The following HERC1 variants were observed in gnomAD, a reference collection of about 807,000 sequenced individuals.
HERC1 encodes HECT and RLD domain containing E3 ubiquitin protein ligase family member 1, also known as probable E3 ubiquitin-protein ligase HERC1.
Under a neutral mutation model 554.3 loss-of-function variants are expected in HERC1, and 160 were observed. That is an observed-to-expected ratio of 0.29 (90% CI 0.25 to 0.33). The LOEUF is 0.33. HERC1 is among the 10% of genes least tolerant of loss of function. The pLI, the probability that HERC1 is intolerant of heterozygous loss-of-function variation, is 1.00. For synonymous variants in HERC1, 2,175 were observed against 2,131.7 expected (o/e 1.02, Z -0.56); for missense variants, 4,919 against 5,918.5 (o/e 0.83, Z 5.54).
At chr15:63,760,917 C>A (rs1208860987) in intron 3 of HERC1, among the ~76,000 whole-genome samples, 1 of 151,926 alleles carries the variant, frequency 6.6e-6, no homozygotes, top group African/African-American at 2.4e-5. Flanking sequence ...AAAAAAAATC[C>A]TTTGGGCTTC....
At position 63,749,816 on chromosome 15, in the gene HERC1, A is replaced by C; in HGVS notation, c.1903-25T>G. ...CCTGAAAAAAACAGAAATACGTTAC[A>C]CATAACTTCCTGAGATGATTAGATT... On this transcript the variant is annotated intron_variant, in intron 8 of 77. Coordinates refer to ENST00000443617, the MANE Select transcript of HERC1 (RefSeq NM_003922.4). This position sits in a 1 kb window ranked among gnomAD's most constrained non-coding sequence, Gnocchi z 4.1. The C allele has an allele frequency of 6.6e-7, 1 of 1,516,752 alleles. No homozygotes were observed. The highest frequency in any genetic ancestry group is 8.8e-7 in the Non-Finnish European group (1 of 1,131,536). The allele number at this position is 1,516,752 out of a possible 1,614,324, so 94.0% of individuals were successfully genotyped here. A position where few individuals can be genotyped will look rare whatever the true frequency, so the allele number is the denominator to read the frequency against.
rs2073558583 is a variant in HERC1, at chr15:63,716,408, A to G, written c.4044T>C (p.Asp1348=). ...PQEHSFTRTI[D]EEAEMEEQAE... is the part of the protein sequence containing the mutation. The stretch of plus-strand genomic sequence containing the variant: ...CCTGTTCTTCCATTTCAGCTTCTTC[A>G]TCAATAGTTCGAGTAAATGAATGCT... The change falls in exon 22 of 78, where the codon GAT becomes GAC. Residue 1348 remains aspartate, a synonymous_variant. Transcript: ENST00000443617. 6.2e-7 allele frequency: 1 copy of G among 1,613,578 alleles called. No homozygotes were observed. Among genetic ancestry groups the G allele is most frequent in the Non-Finnish European group, 8.5e-7 (1 of 1,179,782 alleles).
chr15:63,627,314 G>A (rs531452327), intron 70 of HERC1, among the ~76,000 whole-genome samples: 30 of 152,280 alleles, frequency 2.0e-4, no homozygotes, highest in African/African-American at 7.0e-4. Flanking sequence ...TAGGCACAAT[G>A]TTGCTTCAGG....
chr15:63,822,194 T>C (rs1259029802), intron 1 of HERC1, among the ~76,000 whole-genome samples: 1 of 152,066 alleles, frequency 6.6e-6, no homozygotes, highest in East Asian at 1.9e-4. Context: ...GTAGCAGAAG[T>C]GGAATAAACA....
intron 55 of HERC1, 110 bp from the exon 56 acceptor site, chr15:63,645,792 A>G (rs1566968657): frequency 1.5e-6 from 1 of 668,410 alleles, no homozygotes; most frequent in South Asian, 2.4e-5. Flanking sequence ...TCTATAACTC[A>G]TTTATTTTGA....
chr15:63,802,173 A>C (rs1035649343), intron 1 of HERC1, among the ~76,000 whole-genome samples: 1 of 152,206 alleles, frequency 6.6e-6, no homozygotes, highest in African/African-American at 2.4e-5. Context: ...TGCCACATGT[A>C]CTTCTAGAAG....
intron 70 of HERC1, among the ~76,000 whole-genome samples, chr15:63,628,332 G>T (rs2068396366): frequency 6.6e-6 from 1 of 152,174 alleles, no homozygotes; most frequent in Non-Finnish European, 1.5e-5. Flanking sequence ...GGAGGCTGCA[G>T]TGAGCTGAGA....
chr15:63,825,527 T>A (rs1358482570), intron 1 of HERC1, among the ~76,000 whole-genome samples: 1 of 152,056 alleles, frequency 6.6e-6, no homozygotes, highest in Non-Finnish European at 1.5e-5. Context: ...AAGCCTGAAA[T>A]AAACAAATAA....
rs1189462544 is a variant in HERC1, at chr15:63,643,396, G to A, written c.11331+8C>T. 1 of 1,605,044 alleles carries A rather than the reference G, an allele frequency of 6.2e-7. No homozygotes were observed. Among genetic ancestry groups the A allele is most frequent in the Non-Finnish European group, 8.5e-7 (1 of 1,176,704 alleles). On this transcript the variant is annotated splice_region_variant and intron_variant, in intron 58 of 77. Coordinates refer to ENST00000443617, the MANE Select transcript of HERC1 (RefSeq NM_003922.4). ...TCCTTAACATAAAAATAAAATCTAT[G>A]CTCTTACCCTTAAAGACCAAATGTT...
Position 63,713,594 on chromosome 15 carries a change from C to A in HERC1, c.4222G>T (p.Ala1408Ser), listed in dbSNP as rs757036287. The A allele has an allele frequency of 5.6e-6, 9 of 1,613,762 alleles. No homozygotes were observed. In the Admixed American group the frequency reaches 1.5e-4, roughly 27 times the overall value. The change falls in exon 23 of 78, where the codon GCA (alanine) becomes TCA (serine). Residue 1408 changes from alanine (A) to serine (S), a missense_variant. Around this residue, in one of 11 missense-constraint regions of HERC1, gnomAD observed 1,121 missense variants for 1,244.0 expected, o/e 0.90. Transcript: ENST00000443617. Reference protein sequence around the residue: ...SRDRDRMNSGAGSGARADDPP... With the variant: ...SRDRDRMNSGSGSGARADDPP... ...TCATCAGCTCGAGCCCCAGACCCTG[C>A]CCCACTGTTCATTCTATCTCGGTCT...
intron 1 of HERC1, among the ~76,000 whole-genome samples, chr15:63,782,463 T>C (rs1461169523): frequency 1.3e-5 from 2 of 152,206 alleles, no homozygotes; most frequent in African/African-American, 2.4e-5. Flanking sequence ...AAGCCCACTG[T>C]TAAGACCTAC....
chr15:63,741,403 C>T (rs537340652), intron 12 of HERC1, among the ~76,000 whole-genome samples: 224 of 152,116 alleles, frequency 1.5e-3, no homozygotes, highest in African/African-American at 5.0e-3. Flanking sequence ...CAGCTCACTG[C>T]AACCTCCGCT....
chr15:63,648,343 A>G, intron 54 of HERC1, 144 bp from the exon 55 acceptor site: 1 of 759,562 alleles, frequency 1.3e-6, no homozygotes, highest in Non-Finnish European at 2.1e-6. Flanking sequence ...TTTAGACAAA[A>G]TGTAGGCGTA....
chr15:63,737,319 CAATGAAGAAG>C (rs2074550725), intron 12 of HERC1, among the ~76,000 whole-genome samples: 1 of 146,832 alleles, frequency 6.8e-6, no homozygotes, highest in African/African-American at 2.5e-5. Context: ...ACACAGAAAA[CAATGAAGAAG>C]AAATCAACAA....
At chr15:63,731,843 G>C (rs1211975014) in intron 14 of HERC1, among the ~76,000 whole-genome samples, 2 of 152,138 alleles carry the variant, frequency 1.3e-5, no homozygotes, top group Non-Finnish European at 1.5e-5. Flanking sequence ...GGCTAGATGG[G>C]GTTATTTGGG....
Position 63,734,819 on chromosome 15 carries a change from T to C in HERC1, c.2551A>G (p.Thr851Ala). Residue 851 changes from threonine to alanine, a missense_variant, in exon 13 of 78, where the codon ACC (threonine) becomes GCC (alanine). Transcript: ENST00000443617. The surrounding 1 kb of genome is among the most constrained non-coding windows in gnomAD (Gnocchi z 4.6). ...VVIETLSVGA[T>A]MLLPPLRERM... ...TCTCGTAATGGAGGTAACAGCATGGTTGCTCCCACTGATAAAGTTTCAATT... is the reference window on the plus strand; with the variant it reads ...TCTCGTAATGGAGGTAACAGCATGGCTGCTCCCACTGATAAAGTTTCAATT... 2 of 1,611,462 alleles carry C rather than the reference T, an allele frequency of 1.2e-6. No homozygotes were observed. The highest frequency in any genetic ancestry group is 1.7e-5 in the Admixed American group (1 of 59,680).
chr15:63,652,370 G>C lies in HERC1; in HGVS notation c.10418+44C>G, dbSNP rs370508068. On this transcript the variant is annotated intron_variant, in intron 52 of 77. Transcript: ENST00000443617. ...CACAACCAAGATGAGGCATGTTTAG[G>C]ATTCTCTTATTTTAAATGGTATACA... 1.1e-3 allele frequency: 1,752 copies of C among 1,541,198 alleles called. 40 individuals are homozygous for C. In the South Asian group the frequency reaches 0.021, roughly 18 times the overall value.
Position 63,615,823 on chromosome 15 carries a change from C to G in HERC1, c.14039G>C (p.Arg4680Thr). The G allele has an allele frequency of 6.2e-7, 1 of 1,608,038 alleles. No individual in the cohort carries two copies. The highest frequency in any genetic ancestry group is 8.5e-7 in the Non-Finnish European group (1 of 1,177,856). ...AATGGCCCTCTCCACATATTCCTTC[C>G]TGTTGGAAAATGTGAGTGGGATACT... ...GNSIPLTFSNRKEYVERAIEY... is the reference protein window; with the variant it reads ...GNSIPLTFSNTKEYVERAIEY... The change falls in exon 76 of 78, where the codon AGG becomes ACG. Residue 4680 changes from arginine (R) to threonine (T), a missense_variant. By Grantham distance (71) the Arg-to-Thr change is moderately conservative. Coordinates refer to ENST00000443617, the MANE Select transcript of HERC1 (RefSeq NM_003922.4).
chr15:63,743,841 T>TC (rs2074926671), intron 12 of HERC1, among the ~76,000 whole-genome samples: 1 of 152,174 alleles, frequency 6.6e-6, no homozygotes, highest in Non-Finnish European at 1.5e-5. Context: ...TTCATTTGGT[T>TC]AGGTCATGGA....
Sources: gnomAD v4.1 joint callset for allele counts (sites outside exome capture counted in the v4.1 genomes callset) on GRCh38, gnomAD v4.1.1 for gene constraint, gnomAD v4.1.1 regional missense constraint, Gnocchi (gnomAD v3.1) non-coding constraint, MANE v1.5 for transcripts, NCBI Gene and HGNC (gene_info 2026-07-23, HGNC 2026-07-21) for gene names.